The following GON4L variants were observed in gnomAD, a reference collection of about 807,000 sequenced individuals.
GON4L encodes gon-4 like, also known as GON-4-like protein.
GON4L carries 87 observed loss-of-function variants against 211.8 expected under a neutral mutation model. The ratio of observed to expected loss-of-function variants is 0.41; its 90% CI spans 0.35 to 0.49. GON4L has a LOEUF of 0.49. Ranked by LOEUF, GON4L falls within the 20% of genes least tolerant of loss-of-function variation. GON4L has a pLI of 0.15. For synonymous variants in GON4L, 875 were observed against 962.6 expected, an observed-to-expected ratio of 0.91 and a Z score of 1.68; for missense variants, 2,155 against 2,659.5, an observed-to-expected ratio of 0.81 and a Z score of 4.17.
rs915619053 is a variant in GON4L at position 155,756,879 on chromosome 1, A to G, written c.5517+79T>C. ...GGGAGGTGGAGGTTGCAGTGAGCCA[A>G]GATTACGCCACTGCACTCTAGTTTG... On this transcript the variant is annotated intron_variant, in intron 27 of 31. Coordinates refer to ENST00000368331, the MANE Select transcript of GON4L (RefSeq NM_001282860.2). 10 of 1,083,340 alleles carry G rather than the reference A, an allele frequency of 9.2e-6. No individual in the cohort carries two copies. In the East Asian group the frequency reaches 2.2e-4, roughly 24 times the overall value. The allele number at this position is 1,083,340 out of a possible 1,614,324, so 67.1% of individuals were successfully genotyped here.
At chr1:155,763,199 G>T in intron 22 of GON4L, 113 bp downstream of exon 22, 1 of 939,066 alleles carries the variant, frequency 1.1e-6, no homozygotes, top group Non-Finnish European at 1.6e-6. Flanking sequence ...AGATCCAGAG[G>T]GTTTCCTCTG....
rs761962923 is a variant in GON4L, at chr1:155,804,976, G to A, written c.1618C>T (p.Leu540Phe). ...DEDWKMWLGG[L>F]MNDDVGNEDE... ...TCATTCCCCACATCATCATTCATAA[G>A]TCCCCCCAGCCACATCTTCCAGTCC... Residue 540 changes from leucine (L) to phenylalanine (F), a missense_variant, in exon 11 of 32, where the codon CTT (leucine) becomes TTT (phenylalanine). Leu to Phe is a conservative substitution (Grantham distance 22, BLOSUM62 0). Transcript: ENST00000368331. 2 of 1,613,612 alleles carry A rather than the reference G, an allele frequency of 1.2e-6. No individual in the cohort carries two copies. Among genetic ancestry groups the A allele is most frequent in the African/African-American group, 2.7e-5 (2 of 74,924 alleles).
chr1:155,857,755 T>C (rs7556519), upstream of GON4L, among the ~76,000 whole-genome samples: 45,798 of 151,952 alleles, frequency 0.3, 7,435 homozygotes, highest in East Asian at 0.7. Flanking sequence ...ACAACTAATT[T>C]TTCTCACTAC....
intron 28 of GON4L, 28 bp downstream of exon 28, chr1:155,754,347 C>T (rs1464331014): frequency 2.2e-6 from 3 of 1,340,526 alleles, no homozygotes; most frequent in Non-Finnish European, 2.2e-6. Context: ...AGCTCTGATA[C>T]CCTCGGGACC....
intron 8 of GON4L, among the ~76,000 whole-genome samples, chr1:155,814,802 A>G (rs979798824): frequency 6.6e-6 from 1 of 152,084 alleles, no homozygotes; most frequent in Non-Finnish European, 1.5e-5. Context: ...AGTAACAGAA[A>G]ATAAAATTTA....
chr1:155,751,094 T>G (rs1378497991), intron 31 of GON4L, among the ~76,000 whole-genome samples: 1 of 152,084 alleles, frequency 6.6e-6, no homozygotes, highest in Non-Finnish European at 1.5e-5. Flanking sequence ...TGTTAACATT[T>G]ATGAAGCACA....
At chr1:155,745,367 C>G (rs1346236297), downstream of GON4L, among the ~76,000 whole-genome samples, 1 of 152,222 alleles carries the variant, frequency 6.6e-6, no homozygotes, top group African/African-American at 2.4e-5. Context: ...GAGTCGTGAT[C>G]CGTGTGACTT....
At position 155,784,358 on chromosome 1, in the gene GON4L, CTTTTTTTTTTTTTTTTTTTTTTT is replaced by C. The variant is rs869034483; in HGVS notation, c.1789-292_1789-270del. The C allele has an allele frequency of 8.3e-4, 86 of 104,090 alleles. 2 individuals are homozygous for C. The highest frequency in any genetic ancestry group is 1.7e-3 in the Admixed American group (9 of 5,248). The allele number at this position is 104,090 out of a possible 1,614,324, so 6.4% of individuals were successfully genotyped here. On this transcript the variant is annotated intron_variant, in intron 13 of 31. Transcript: ENST00000368331. ...ACTCAAAATTATCAATCTCTCTCTC[CTTTTTTTTTTTTTTTTTTTTTTT>C]TTTTTTTTTTTTTTGAGACAGAGTC...
In GON4L at chr1:155,825,576, C is replaced by CAA. The variant is rs58768970; in HGVS notation, c.697+1259_697+1260dup. Among the ~76,000 whole-genome samples, 570 of 140,518 alleles carry CAA rather than the reference C, an allele frequency of 4.1e-3. 5 individuals carry two copies. The highest frequency in any genetic ancestry group is 0.014 in the South Asian group (60 of 4,360). The allele number at this position is 140,518 out of a possible 152,430, so 92.2% of individuals were successfully genotyped here. On this transcript the variant is annotated intron_variant, in intron 3 of 31. Coordinates refer to ENST00000368331, the MANE Select transcript of GON4L (RefSeq NM_001282860.2). Reference sequence around the variant, plus strand: ...GACAGAGCAAGACTCTGTCTCAAAACAAAAAAAAAAAAAATTGAGAGAATA... The same window carrying CAA: ...GACAGAGCAAGACTCTGTCTCAAAACAAAAAAAAAAAAAAAATTGAGAGAATA...
At chr1:155,835,153 G>T (rs1033729410) in intron 2 of GON4L, among the ~76,000 whole-genome samples, 1 of 152,094 alleles carries the variant, frequency 6.6e-6, no homozygotes, top group Admixed American at 6.6e-5. Context: ...TTATCCTGTT[G>T]ATCTGTGACC....
chr1:155,803,489 C>T (rs1174981971), intron 11 of GON4L, among the ~76,000 whole-genome samples: 4 of 152,094 alleles, frequency 2.6e-5, no homozygotes, highest in East Asian at 3.9e-4. Context: ...GTGATCCGCC[C>T]GCCTCGGCCT....
chr1:155,848,386 T>C (rs1289402322), intron 2 of GON4L, among the ~76,000 whole-genome samples: 2 of 152,224 alleles, frequency 1.3e-5, no homozygotes, highest in Non-Finnish European at 2.9e-5. Flanking sequence ...CATTTCTTTG[T>C]AATGTGTCTA....
chr1:155,834,903 G>T (rs1670151100), intron 2 of GON4L, among the ~76,000 whole-genome samples: 1 of 146,222 alleles, frequency 6.8e-6, no homozygotes, highest in African/African-American at 2.8e-5. Flanking sequence ...GGAGGTGAGG[G>T]GCGCCTCTGC....
rs542258140 is a variant in GON4L, at chr1:155,767,039, A to AAAAAC, written c.2764-335_2764-331dup. On this transcript the variant is annotated intron_variant, in intron 20 of 31. Coordinates refer to ENST00000368331, the MANE Select transcript of GON4L (RefSeq NM_001282860.2). ...GGTGGACAGAGCAAGACTCTGTCTC[A>AAAAAC]AAAACAAAACAAAACAACAACAAAA... 3,694 of 558,894 alleles carry AAAAAC rather than the reference A, an allele frequency of 6.6e-3. 20 individuals are homozygous for AAAAAC. The highest frequency in any genetic ancestry group is 8.7e-3 in the Non-Finnish European group (2,802 of 321,316). The allele number at this position is 558,894 out of a possible 1,614,324, so 34.6% of individuals were successfully genotyped here.
chr1:155,833,726 TGGGGAGGAGA>T lies in GON4L; in HGVS notation c.506-6708_506-6699del, dbSNP rs1388553588. Among the ~76,000 whole-genome samples the T allele has an allele frequency of 7.0e-4, 8 of 11,396 alleles. 1 individual carries two copies. In the South Asian group the frequency reaches 0.033, roughly 47 times the overall value. 7.5% of individuals were successfully genotyped at this position (11,396 alleles called of 152,430 possible). A position where few individuals can be genotyped will look rare whatever the true frequency, so the allele number is the denominator to read the frequency against. ...AAGGGGATAAGAGGGAAGAGGAGAGTGGGGAGGAGAGGGGAGGAGAGGAGGAGGGGAGGAA... is the reference window on the plus strand; with the variant it reads ...AAGGGGATAAGAGGGAAGAGGAGAGTGGGGAGGAGAGGAGGAGGGGAGGAA... On this transcript the variant is annotated intron_variant, in intron 2 of 31. Coordinates refer to ENST00000368331, the MANE Select transcript of GON4L (RefSeq NM_001282860.2).
At chr1:155,851,541 C>T (rs1275322212) in intron 2 of GON4L, among the ~76,000 whole-genome samples, 2 of 151,566 alleles carry the variant, frequency 1.3e-5, no homozygotes, top group African/African-American at 2.4e-5. Context: ...CCTGGTGAAA[C>T]CCCATCTCCA....
intron 21 of GON4L, among the ~76,000 whole-genome samples, chr1:155,763,945 G>A (rs1048161438): frequency 6.6e-5 from 10 of 151,156 alleles, no homozygotes; most frequent in Admixed American, 4.0e-4. Flanking sequence ...GGAGGTTGCA[G>A]TGAGCTGAAA....
At chr1:155,847,041 C>T (rs1440918039) in intron 2 of GON4L, among the ~76,000 whole-genome samples, 1 of 152,136 alleles carries the variant, frequency 6.6e-6, no homozygotes, top group Non-Finnish European at 1.5e-5. Context: ...TTGAATTTTC[C>T]CCATCTTGAA....
upstream of GON4L, among the ~76,000 whole-genome samples, chr1:155,858,543 C>A (rs532490254): frequency 3.5e-3 from 533 of 151,524 alleles, 3 homozygotes; most frequent in South Asian, 0.03. Context: ...ATACACAGAT[C>A]TTTCGGTTTG....
Sources: gnomAD v4.1 joint callset for allele counts (sites outside exome capture counted in the v4.1 genomes callset) on GRCh38, gnomAD v4.1.1 for gene constraint, MANE v1.5 for transcripts, NCBI Gene and HGNC (gene_info 2026-07-23, HGNC 2026-07-21) for gene names.